FAM178B: variants seen among roughly 807,000 people sequenced by gnomAD.
The protein encoded by FAM178B is family with sequence similarity 178 member B, also known as protein FAM178B.
FAM178B carries 82 observed loss-of-function variants against 91.7 expected under a neutral mutation model. The ratio of observed to expected loss-of-function variants is 0.89; its 90% confidence interval spans 0.75 to 1.07. The LOEUF is 1.07. FAM178B is among the 50% of genes least tolerant of loss of function. FAM178B has a pLI of 0.00. For synonymous variants in FAM178B, 368 were observed against 359.4 expected (o/e 1.02, Z -0.27); for missense variants, 769 against 846.7 (o/e 0.91, Z 1.14).
At chr2:96,920,068 A>G (rs1222925656) in intron 12 of FAM178B, among the ~76,000 whole-genome samples, 1 of 152,084 alleles carries the variant, frequency 6.6e-6, no homozygotes, top group Non-Finnish European at 1.5e-5. Flanking sequence ...GAGGGGTAGG[A>G]AAGGAGTCAT....
At chr2:96,968,096 T>A (rs2082170067) in intron 4 of FAM178B, among the ~76,000 whole-genome samples, 1 of 151,642 alleles carries the variant, frequency 6.6e-6, no homozygotes, top group Non-Finnish European at 1.5e-5. Flanking sequence ...TCTTTTTTTT[T>A]AAACACACCA....
At chr2:96,920,052 A>G (rs1324744977) in intron 12 of FAM178B, among the ~76,000 whole-genome samples, 1 of 152,154 alleles carries the variant, frequency 6.6e-6, no homozygotes, top group Non-Finnish European at 1.5e-5. Flanking sequence ...GGTGTCTGCC[A>G]AAGTTGAGGG....
At chr2:96,904,148 G>A (rs969531828) in intron 12 of FAM178B, among the ~76,000 whole-genome samples, 2 of 152,004 alleles carry the variant, frequency 1.3e-5, no homozygotes, top group Non-Finnish European at 2.9e-5. Context: ...CTACTCCTAG[G>A]TACAAAGTTG....
intron 4 of FAM178B, among the ~76,000 whole-genome samples, chr2:96,970,110 T>C (rs2082197068): frequency 6.6e-6 from 1 of 152,138 alleles, no homozygotes; most frequent in Non-Finnish European, 1.5e-5. Context: ...AGACGACCCC[T>C]GTCTGTCCCC....
intron 14 of FAM178B, among the ~76,000 whole-genome samples, chr2:96,880,863 G>A (rs896255939): frequency 6.6e-6 from 1 of 152,186 alleles, no homozygotes; most frequent in Non-Finnish European, 1.5e-5. Context: ...CAAAGTGCTG[G>A]GATTACAGGC....
rs1487914422 is a variant in FAM178B, at chr2:96,921,615, T to C, written c.1327A>G (p.Thr443Ala). Residue 443 changes from threonine to alanine, a missense_variant, in exon 11 of 17, where the codon ACT (threonine) becomes GCT (alanine). Transcript: ENST00000490605. Reference protein sequence around the residue: ...LCAQAQPGAYTDENLMGLIEL... With the variant: ...LCAQAQPGAYADENLMGLIEL... ...ATCAGTCCCATGAGGTTCTCATCAG[T>C]GTAGGCCCCCGGCTGGGCCTGGGCA... 1 of 1,551,574 alleles carries C rather than the reference T, an allele frequency of 6.4e-7. No homozygotes were observed. Among genetic ancestry groups the C allele is most frequent in the East Asian group, 2.4e-5 (1 of 40,912 alleles).
chr2:96,911,091 T>C (rs533000515), intron 12 of FAM178B, among the ~76,000 whole-genome samples: 4 of 152,234 alleles, frequency 2.6e-5, no homozygotes, highest in Admixed American at 2.0e-4. Context: ...TTTTAAGTTC[T>C]ACCTCTTTAT....
intron 12 of FAM178B, among the ~76,000 whole-genome samples, chr2:96,908,814 T>C (rs933374645): frequency 7.2e-5 from 11 of 152,006 alleles, no homozygotes; most frequent in African/African-American, 2.7e-4. Context: ...ATCTCCCTCT[T>C]TGTATGATAA....
At chr2:96,891,608 A>G (rs2153368331) in intron 14 of FAM178B, among the ~76,000 whole-genome samples, 1 of 152,324 alleles carries the variant, frequency 6.6e-6, no homozygotes, top group Admixed American at 6.5e-5. Context: ...AAGCAAAGGG[A>G]CAACTTTACT....
intron 1 of FAM178B, among the ~76,000 whole-genome samples, chr2:96,973,018 A>G (rs2082244282): frequency 6.6e-6 from 1 of 151,984 alleles, no homozygotes; most frequent in Non-Finnish European, 1.5e-5. Flanking sequence ...AGCCTGGGCA[A>G]CATGGTGAAA....
intron 14 of FAM178B, among the ~76,000 whole-genome samples, chr2:96,882,149 G>C (rs2080400359): frequency 6.6e-6 from 1 of 152,228 alleles, no homozygotes. Context: ...AGGTAAGAGA[G>C]AGTCTGATCC....
In FAM178B at chr2:96,986,558, T is replaced by G; in HGVS notation, c.-245A>C. On this transcript the variant is annotated 5_prime_UTR_variant, in exon 1 of 17. Coordinates refer to ENST00000490605, the MANE Select transcript of FAM178B (RefSeq NM_001122646.3). The stretch of plus-strand genomic sequence containing the variant: ...GCTCACAGCCGCCGCCGCCGCCAGC[T>G]GGGGAGCTCGCCGGCCAAGTGCGCA... 1 of 509,570 alleles carries G rather than the reference T, an allele frequency of 2.0e-6. No individual in the cohort carries two copies. Among genetic ancestry groups the G allele is most frequent in the Non-Finnish European group, 3.5e-6 (1 of 285,998 alleles). The allele number at this position is 509,570 out of a possible 1,614,324, so 31.6% of individuals were successfully genotyped here. A position where few individuals can be genotyped will look rare whatever the true frequency, so the allele number is the denominator to read the frequency against.
chr2:96,978,974 CTTTTTTTTTTT>C (rs559416706), intron 1 of FAM178B, among the ~76,000 whole-genome samples: 2 of 56,776 alleles, frequency 3.5e-5, no homozygotes, highest in African/African-American at 1.0e-4. Flanking sequence ...GTATGTATCA[CTTTTTTTTTTT>C]TTTTTTTTTT....
In FAM178B at chr2:96,957,819, T is replaced by C. The variant is rs560962811; in HGVS notation, c.887+2469A>G. Among the ~76,000 whole-genome samples, 14 of 152,264 alleles carry C rather than the reference T, an allele frequency of 9.2e-5. No homozygotes were observed. The East Asian group carries it at 2.7e-3, about 29-fold the overall frequency. On this transcript the variant is annotated intron_variant, in intron 6 of 16. Transcript: ENST00000490605. ...GTGATGTGAACCCTTACTAATGTTC[T>C]TACACTCAGACCCAATAACCTCACA...
At chr2:96,959,034 AC>A (rs1191138029) in intron 6 of FAM178B, among the ~76,000 whole-genome samples, 1 of 151,870 alleles carries the variant, frequency 6.6e-6, no homozygotes, top group East Asian at 1.9e-4. Context: ...CCCCGTCTCT[AC>A]TAAAAATACA....
At chr2:96,926,709 C>A (rs530014786) in intron 9 of FAM178B, among the ~76,000 whole-genome samples, 33 of 152,306 alleles carry the variant, frequency 2.2e-4, no homozygotes, top group African/African-American at 7.5e-4. Context: ...GGCCCAGCTG[C>A]GGAAGGACTG....
At chr2:96,980,149 C>T (rs772069697) in intron 1 of FAM178B, among the ~76,000 whole-genome samples, 3 of 151,914 alleles carry the variant, frequency 2.0e-5, no homozygotes, top group Non-Finnish European at 4.4e-5. Flanking sequence ...AATCTTGGCT[C>T]ACTGCAACCT....
chr2:96,888,353 G>A (rs2080578931), intron 14 of FAM178B, among the ~76,000 whole-genome samples: 1 of 152,264 alleles, frequency 6.6e-6, no homozygotes, highest in South Asian at 2.1e-4. Context: ...CAGTGGGGCA[G>A]TAAGGAAGAG....
rs189540980 is a variant in FAM178B, at chr2:96,880,555, G to A, written c.1777-2062C>T. 1.0e-3 allele frequency among the ~76,000 whole-genome samples: 154 copies of A among 152,320 alleles called. 2 individuals carry two copies. The highest frequency in any genetic ancestry group is 4.4e-5 in the Non-Finnish European group (3 of 68,032). ...TTTTTTAAGATTATTTCTCTACAAT[G>A]TGTGTACTCATACAAGGAGAATACA... is the stretch of plus-strand genomic sequence containing the variant. On this transcript the variant is annotated intron_variant, in intron 14 of 16. Coordinates refer to ENST00000490605, the MANE Select transcript of FAM178B (RefSeq NM_001122646.3).
Sources: gnomAD v4.1 joint callset for allele counts (sites outside exome capture counted in the v4.1 genomes callset) on GRCh38, gnomAD v4.1.1 for gene constraint, MANE v1.5 for transcripts, NCBI Gene and HGNC (gene_info 2026-07-23, HGNC 2026-07-21) for gene names.